The following NTN1 variants were observed in gnomAD, a reference collection of about 807,000 sequenced individuals.
NTN1 encodes the protein netrin 1, also known as netrin-1.
A neutral mutation model predicts 54.2 loss-of-function variants in NTN1; 11 were observed. The ratio of observed to expected loss-of-function variants is 0.20; its 90% CI spans 0.13 to 0.34. The LOEUF is 0.34. NTN1 is among the 10% of genes least tolerant of loss of function. The pLI is 1.00. For missense variants in NTN1, 740 were observed against 893.1 expected (o/e 0.83, Z 2.18); for synonymous variants, 371 against 382.0 (o/e 0.97, Z 0.33).
At chr17:9,193,969 CTCACGCCTGTAA>C (rs889155569) in intron 5 of NTN1, among the ~76,000 whole-genome samples, 1 of 137,356 alleles carries the variant, frequency 7.3e-6, no homozygotes, top group Non-Finnish European at 1.5e-5. Flanking sequence ...GGCGCAGAGG[CTCACGCCTGTAA>C]TCCCAGCACT....
At chr17:9,003,993 C>A in the NTN1 span, among the ~76,000 whole-genome samples, 1 of 152,142 alleles carries the variant, frequency 6.6e-6, no homozygotes, top group South Asian at 2.1e-4. This position sits in a 1 kb window ranked among gnomAD's most constrained non-coding sequence, Gnocchi z 7.4. Flanking sequence ...GTGCCTTCGA[C>A]GGGAAAGTCG....
chr17:9,076,944 T>G (rs1199729039), intron 2 of NTN1, among the ~76,000 whole-genome samples: 2 of 152,158 alleles, frequency 1.3e-5, no homozygotes, highest in African/African-American at 4.8e-5. Flanking sequence ...CGGGTTCCCC[T>G]GCAGTTATTC....
At chr17:9,148,187 C>T (rs545098071) in intron 2 of NTN1, among the ~76,000 whole-genome samples, 7 of 152,298 alleles carry the variant, frequency 4.6e-5, no homozygotes, top group Admixed American at 3.9e-4. Context: ...ATCCAATGGG[C>T]AGGGTCTTTT....
At chr17:9,032,677 C>T (rs1323800466) in intron 2 of NTN1, among the ~76,000 whole-genome samples, 2 of 152,292 alleles carry the variant, frequency 1.3e-5, no homozygotes, top group East Asian at 1.9e-4. Flanking sequence ...GCATCTGAAA[C>T]GTGAAAGTAC....
chr17:9,150,061 G>A (rs2142287863), intron 2 of NTN1, among the ~76,000 whole-genome samples: 1 of 152,298 alleles, frequency 6.6e-6, no homozygotes, highest in Admixed American at 6.5e-5. Context: ...AATTAGCTCA[G>A]CATGGTGGCG....
rs142393557 is a variant in NTN1 at position 9,184,508 on chromosome 17, T to C, written c.1411+1539T>C. Among the ~76,000 whole-genome samples the C allele has an allele frequency of 1.8e-3, 269 of 152,338 alleles. 2 individuals carry two copies. The highest frequency in any genetic ancestry group is 5.9e-3 in the African/African-American group (247 of 41,574). On this transcript the variant is annotated intron_variant, in intron 5 of 6. Transcript: ENST00000173229. ...ATGAAACTTCGATTCTTGCTCTCTT[T>C]GATGTGACATTTGTCCTTGCCTAAC...
At position 9,173,143 on chromosome 17, in the gene NTN1, C is replaced by G. The variant is rs373474563; in HGVS notation, c.1208-6664C>G. 336 of 152,538 alleles carry G rather than the reference C, an allele frequency of 2.2e-3. 1 individual carries two copies. The highest frequency in any genetic ancestry group is 3.8e-3 in the Non-Finnish European group (261 of 68,194). 9.4% of individuals were successfully genotyped at this position (152,538 alleles called of 1,614,324 possible). ...CTGGGTCAGCACTCCCTCCCCTCCC[C>G]TGGTCTCTCTGTCTGCCCTGCCCCC... On this transcript the variant is annotated intron_variant, in intron 3 of 6. Coordinates refer to ENST00000173229, the MANE Select transcript of NTN1 (RefSeq NM_004822.3).
At chr17:9,130,985 T>C (rs2092262926) in intron 2 of NTN1, among the ~76,000 whole-genome samples, 1 of 152,192 alleles carries the variant, frequency 6.6e-6, no homozygotes, top group Admixed American at 6.5e-5. Flanking sequence ...CTGGGTTGTG[T>C]ACACCCCTCG....
At chr17:9,224,415 C>T (rs1264108299) in intron 6 of NTN1, among the ~76,000 whole-genome samples, 1 of 152,218 alleles carries the variant, frequency 6.6e-6, no homozygotes, top group African/African-American at 2.4e-5. Context: ...AGGGTGCCAT[C>T]GGACCCTCTG....
intron 5 of NTN1, among the ~76,000 whole-genome samples, chr17:9,187,277 C>T (rs1243226440): frequency 6.6e-6 from 1 of 152,042 alleles, no homozygotes; most frequent in African/African-American, 2.4e-5. Context: ...TGGGAAGTCA[C>T]AAGTTGGACT....
At chr17:9,154,051 G>A (rs931176525) in intron 2 of NTN1, among the ~76,000 whole-genome samples, 9 of 152,188 alleles carry the variant, frequency 5.9e-5, no homozygotes, top group Non-Finnish European at 8.8e-5. Context: ...ATGTCCTCAC[G>A]GTCCCCGTAG....
At chr17:9,020,945 G>A (rs556012025), upstream of NTN1, among the ~76,000 whole-genome samples, 1 of 152,246 alleles carries the variant, frequency 6.6e-6, no homozygotes, top group Admixed American at 6.5e-5. Flanking sequence ...GGGGCTTCGG[G>A]CAAAAATGGA....
At chr17:9,088,232 G>A (rs1417954392) in intron 2 of NTN1, among the ~76,000 whole-genome samples, 1 of 152,348 alleles carries the variant, frequency 6.6e-6, no homozygotes, top group Non-Finnish European at 1.5e-5. Context: ...CCCAGTGGGT[G>A]TCCATCTGCA....
intron 2 of NTN1, among the ~76,000 whole-genome samples, chr17:9,047,224 G>A (rs762603957): frequency 6.6e-6 from 1 of 152,190 alleles, no homozygotes; most frequent in Non-Finnish European, 1.5e-5. Context: ...AAGTAAGACA[G>A]CAGTGCAGTT....
chr17:9,104,088 C>CAAAAAAAAAA (rs55732200), intron 2 of NTN1, among the ~76,000 whole-genome samples: 13 of 70,828 alleles, frequency 1.8e-4, no homozygotes, highest in Non-Finnish European at 2.0e-4. Flanking sequence ...GACTCCATCT[C>CAAAAAAAAAA]AAAAAAAAAA....
rs1006259019 is a variant in NTN1 at position 9,165,862 on chromosome 17, C to T, written c.1207+2861C>T. Among the ~76,000 whole-genome samples the T allele has an allele frequency of 3.3e-5, 5 of 152,102 alleles. No individual in the cohort carries two copies. The highest frequency in any genetic ancestry group is 3.3e-4 in the Admixed American group (5 of 15,266). On this transcript the variant is annotated intron_variant, in intron 3 of 6. Coordinates refer to ENST00000173229, the MANE Select transcript of NTN1 (RefSeq NM_004822.3). This position sits in a 1 kb window ranked among gnomAD's most constrained non-coding sequence, Gnocchi z 4.5. Reference sequence around the variant, plus strand: ...GTGAGAAAAAGCATTGCCCAGAGATCTCTGCTTCATGATTGGCAAGAAAAT... The same window carrying T: ...GTGAGAAAAAGCATTGCCCAGAGATTTCTGCTTCATGATTGGCAAGAAAAT...
At chr17:9,086,646 C>T (rs1337414849) in intron 2 of NTN1, among the ~76,000 whole-genome samples, 1 of 152,146 alleles carries the variant, frequency 6.6e-6, no homozygotes, top group Non-Finnish European at 1.5e-5. Flanking sequence ...ACTGTGACCA[C>T]CTACCTTCAT....
Position 9,240,931 on chromosome 17 carries a change from C to CAGGGGG in NTN1, c.*975_*980dup, listed in dbSNP as rs1041104539. ...AACCAGCCCTTTTTATGACGTTTTC[C>CAGGGGG]AGGGGGAGGGGGAGGGGCACTGGCT... On this transcript the variant is annotated 3_prime_UTR_variant, in exon 7 of 7. Transcript: ENST00000173229. 2.0e-5 allele frequency: 3 copies of CAGGGGG among 152,180 alleles called. No individual in the cohort carries two copies. The highest frequency in any genetic ancestry group is 2.9e-5 in the Non-Finnish European group (2 of 68,046). 9.4% of individuals were successfully genotyped at this position (152,180 alleles called of 1,614,324 possible). A position where few individuals can be genotyped will look rare whatever the true frequency, so the allele number is the denominator to read the frequency against.
intron 2 of NTN1, among the ~76,000 whole-genome samples, chr17:9,039,773 A>G (rs991049563): frequency 3.9e-5 from 6 of 152,080 alleles, no homozygotes; most frequent in Non-Finnish European, 7.4e-5. Flanking sequence ...TTCACCTTCC[A>G]TGCTTAGTTG....
Sources: gnomAD v4.1 joint callset for allele counts (sites outside exome capture counted in the v4.1 genomes callset) on GRCh38, gnomAD v4.1.1 for gene constraint, Gnocchi (gnomAD v3.1) non-coding constraint, MANE v1.5 for transcripts, NCBI Gene and HGNC (gene_info 2026-07-23, HGNC 2026-07-21) for gene names.